Variants in ADGRG7 observed in about 807,000 individuals in gnomAD.
ADGRG7 encodes the protein adhesion G protein-coupled receptor G7, also known as G-protein coupled receptor 128.
In ADGRG7, 82 loss-of-function variants were observed where a neutral mutation model predicts 88.6. The observed-to-expected ratio is 0.93, with a 90% confidence interval of 0.77 to 1.11. ADGRG7 has a LOEUF of 1.11. Among genes scored for constraint, ADGRG7 ranks in the 50% most tolerant of loss-of-function variants. The pLI, the probability that ADGRG7 is intolerant of heterozygous loss-of-function variation, is 0.00. For missense variants in ADGRG7, 945 were observed against 953.4 expected, an observed-to-expected ratio of 0.99 and a Z score of 0.12; for synonymous variants, 381 against 345.2, an observed-to-expected ratio of 1.10 and a Z score of -1.15.
intron 15 of ADGRG7, among the ~76,000 whole-genome samples, chr3:100,687,096 A>T (rs1218145027): frequency 6.6e-6 from 1 of 152,178 alleles, no homozygotes; most frequent in Non-Finnish European, 1.5e-5. Context: ...GGTCCTTCAC[A>T]TCCCTTGTAC....
At position 100,655,908 on chromosome 3, in the gene ADGRG7, C is replaced by T; in HGVS notation, c.1736C>T (p.Ala579Val). The change falls in exon 13 of 16, where the codon GCT becomes GTT. Residue 579 changes from alanine to valine, a missense_variant. Ala to Val is a moderately conservative substitution (Grantham distance 64). Transcript: ENST00000273352. ...TCTCTTTATCACATAGGAGTCCCAG[C>T]TATAGTAGTGGCTATAACAGTGGGA... ...FISLIGWGVP[A>V]IVVAITVGVI... The T allele has an allele frequency of 6.3e-7, 1 of 1,582,540 alleles. No homozygotes were observed. The highest frequency in any genetic ancestry group is 8.7e-7 in the Non-Finnish European group (1 of 1,151,730).
intron 11 of ADGRG7, among the ~76,000 whole-genome samples, chr3:100,652,100 T>C (rs747783745): frequency 3.3e-5 from 5 of 152,100 alleles, no homozygotes; most frequent in Non-Finnish European, 5.9e-5. Context: ...ATTGATAAAA[T>C]TAGATAAAAA....
chr3:100,648,015 A>AT (rs1319694252), intron 10 of ADGRG7, among the ~76,000 whole-genome samples: 2 of 152,112 alleles, frequency 1.3e-5, no homozygotes, highest in South Asian at 2.1e-4. Context: ...CATTTGGATT[A>AT]TTTCTTTTCT....
intron 1 of ADGRG7, among the ~76,000 whole-genome samples, chr3:100,611,818 G>C (rs1040667581): frequency 1.3e-5 from 2 of 152,166 alleles, no homozygotes; most frequent in African/African-American, 2.4e-5. Context: ...ATTTTATTGA[G>C]AGTGCATTTG....
intron 15 of ADGRG7, among the ~76,000 whole-genome samples, chr3:100,693,175 T>G (rs2094996723): frequency 6.6e-6 from 1 of 152,208 alleles, no homozygotes; most frequent in Non-Finnish European, 1.5e-5. Flanking sequence ...ATCCATGGTC[T>G]AGGGTCTTTT....
Position 100,637,325 on chromosome 3 carries a change from A to G in ADGRG7, c.621A>G (p.Thr207=), listed in dbSNP as rs1394273609. The G allele has an allele frequency of 1.9e-6, 3 of 1,613,610 alleles. No individual in the cohort carries two copies. Among genetic ancestry groups the G allele is most frequent in the African/African-American group, 1.3e-5 (1 of 74,926 alleles). Residue 207 remains threonine (T), a synonymous_variant, in exon 6 of 16, where the codon ACA becomes ACG. Coordinates refer to ENST00000273352, the MANE Select transcript of ADGRG7 (RefSeq NM_032787.3). ...SPEAKKVAIV[T]VSQLLDASED... ...AGGCAAAGAAAGTTGCCATAGTAAC[A>G]GTGAGTCAACTCCTAGATGCCAGTG...
chr3:100,626,051 T>C (rs1469496263), intron 1 of ADGRG7, among the ~76,000 whole-genome samples: 3 of 152,196 alleles, frequency 2.0e-5, no homozygotes, highest in Admixed American at 6.5e-5. Flanking sequence ...AGTCCCTCTT[T>C]TTCAATTGTT....
intron 15 of ADGRG7, among the ~76,000 whole-genome samples, chr3:100,693,439 T>C (rs573854909): frequency 6.6e-6 from 1 of 152,222 alleles, no homozygotes; most frequent in Non-Finnish European, 1.5e-5. Context: ...AGATACCACC[T>C]GTTGAGTAAT....
chr3:100,643,621 A>C lies in ADGRG7; in HGVS notation c.934A>C (p.Asn312His). The C allele has an allele frequency of 6.2e-7, 1 of 1,610,906 alleles. No homozygotes were observed. The highest frequency in any genetic ancestry group is 8.5e-7 in the Non-Finnish European group (1 of 1,177,802). Residue 312 changes from asparagine to histidine, a missense_variant, in exon 8 of 16, where the codon AAT becomes CAT. Transcript: ENST00000273352. ...ACAGACTGAGCTTCAGGTCTTGCTTAATATGACGAAAAGTAAGTCTCAAAC... is the reference window on the plus strand; with the variant it reads ...ACAGACTGAGCTTCAGGTCTTGCTTCATATGACGAAAAGTAAGTCTCAAAC... ...DAQTELQVLL[N>H]MTKNYTKTCG...
chr3:100,666,404 C>G (rs888727889), intron 14 of ADGRG7, among the ~76,000 whole-genome samples: 1 of 152,062 alleles, frequency 6.6e-6, no homozygotes, highest in Non-Finnish European at 1.5e-5. Context: ...AACATGTGAA[C>G]AAAGGTCTTT....
chr3:100,643,666 T>C (rs1206993676), intron 8 of ADGRG7, 33 bp downstream of exon 8: 1 of 1,401,576 alleles, frequency 7.1e-7, no homozygotes, highest in East Asian at 2.3e-5. Context: ...TTTAAAAAAA[T>C]GGACTCGAAT....
chr3:100,621,171 G>A (rs572343095), intron 1 of ADGRG7, among the ~76,000 whole-genome samples: 6 of 152,064 alleles, frequency 3.9e-5, no homozygotes, highest in Middle Eastern at 3.4e-3. Flanking sequence ...TCTATTCCCC[G>A]AGACACAACA....
At position 100,646,070 on chromosome 3, in the gene ADGRG7, G is replaced by A. The variant is rs61742836; in HGVS notation, c.1072G>A (p.Asp358Asn). ...ISSKTDENEQ[D>N]QSASVDMVFS... is the part of the protein sequence containing the mutation. ...AAGCAAAACTGATGAAAATGAGCAA[G>A]ATCAGAGTGCTTCTGTTGACATGGT... Residue 358 changes from aspartate to asparagine, a missense_variant, in exon 9 of 16, where the codon GAT becomes AAT. By Grantham distance (23) the Asp-to-Asn change is conservative. Transcript: ENST00000273352. The A allele has an allele frequency of 6.1e-3, 9,831 of 1,613,970 alleles. 24 individuals carry two copies. Among genetic ancestry groups the A allele is most frequent in the Non-Finnish European group, 7.4e-3 (8,689 of 1,179,940 alleles).
intron 1 of ADGRG7, among the ~76,000 whole-genome samples, chr3:100,613,901 G>A (rs1200379224): frequency 6.6e-6 from 1 of 152,138 alleles, no homozygotes; most frequent in East Asian, 1.9e-4. Context: ...AACTACCTGA[G>A]TTTAGATCCC....
chr3:100,637,593 C>T (rs923049009), intron 6 of ADGRG7, 191 bp downstream of exon 6: 13 of 534,678 alleles, frequency 2.4e-5, no homozygotes, highest in Non-Finnish European at 4.0e-5. Context: ...ATGTTACCTC[C>T]TGCATCCAGG....
intron 14 of ADGRG7, among the ~76,000 whole-genome samples, chr3:100,663,810 T>C (rs2094948542): frequency 6.6e-6 from 1 of 152,064 alleles, no homozygotes; most frequent in African/African-American, 2.4e-5. Context: ...TGGTTACTTA[T>C]ATATTTGTTT....
intron 15 of ADGRG7, among the ~76,000 whole-genome samples, chr3:100,682,390 T>C (rs1180292541): frequency 6.6e-6 from 1 of 152,062 alleles, no homozygotes; most frequent in Non-Finnish European, 1.5e-5. Flanking sequence ...GTGGGAGCAG[T>C]GCCCGCTTCG....
intron 1 of ADGRG7, among the ~76,000 whole-genome samples, chr3:100,614,850 T>C (rs765818318): frequency 1.3e-5 from 2 of 152,238 alleles, no homozygotes; most frequent in Non-Finnish European, 2.9e-5. Flanking sequence ...GTATATGTTC[T>C]GTATTTAAAC....
At chr3:100,665,782 T>A (rs1474250392) in intron 14 of ADGRG7, among the ~76,000 whole-genome samples, 2 of 152,184 alleles carry the variant, frequency 1.3e-5, no homozygotes, top group African/African-American at 2.4e-5. Context: ...ACAAAAATTA[T>A]CATGTTTGGC....
Sources: gnomAD v4.1 joint callset for allele counts (sites outside exome capture counted in the v4.1 genomes callset) on GRCh38, gnomAD v4.1.1 for gene constraint, MANE v1.5 for transcripts, NCBI Gene and HGNC (gene_info 2026-07-23, HGNC 2026-07-21) for gene names.